FOXN2: variants seen among roughly 807,000 people sequenced by gnomAD.
FOXN2 encodes the protein forkhead box protein N2.
A neutral mutation model predicts 41.2 loss-of-function variants in FOXN2; 19 were observed. The ratio of observed to expected loss-of-function variants is 0.46; its 90% CI spans 0.32 to 0.68. FOXN2 has a LOEUF of 0.68. Ranked by LOEUF, FOXN2 falls within the 30% of genes least tolerant of loss-of-function variation. FOXN2 has a pLI of 0.03. For synonymous variants in FOXN2, 195 were observed against 176.8 expected, an observed-to-expected ratio of 1.10 and a Z score of -0.82; for missense variants, 587 against 509.4, an observed-to-expected ratio of 1.15 and a Z score of -1.47.
At chr2:48,340,050 G>A in intron 2 of FOXN2, among the ~76,000 whole-genome samples, 1 of 152,186 alleles carries the variant, frequency 6.6e-6, no homozygotes, top group South Asian at 2.1e-4. Flanking sequence ...GGAAGGCTAA[G>A]TAATGTTTAA....
intron 1 of FOXN2, among the ~76,000 whole-genome samples, chr2:48,316,573 C>CT (rs35141931): frequency 3.2e-4 from 48 of 151,940 alleles, no homozygotes; most frequent in Non-Finnish European, 6.8e-4. Context: ...CTTTGTAAAG[C>CT]TTTTTTTGAA....
intron 2 of FOXN2, among the ~76,000 whole-genome samples, chr2:48,337,476 G>T (rs776956607): frequency 1.9e-4 from 28 of 149,892 alleles, no homozygotes; most frequent in Non-Finnish European, 3.9e-4. Flanking sequence ...TTTTTGTGGG[G>T]TTTTTTTTTG....
chr2:48,374,894 A>G, intron 6 of FOXN2, 26 bp from the exon 7 acceptor site: 2 of 1,571,870 alleles, frequency 1.3e-6, no homozygotes, highest in Non-Finnish European at 1.7e-6. Context: ...CATTTGACCT[A>G]TTGATGGAAC....
intron 2 of FOXN2, 29 bp from the exon 3 acceptor site, chr2:48,346,172 T>C: frequency 3.9e-6 from 6 of 1,523,648 alleles, no homozygotes; most frequent in Non-Finnish European, 4.4e-6. Context: ...TCTAAAGTAT[T>C]ACATTGATAA....
At chr2:48,366,176 G>T (rs1169981409) in intron 5 of FOXN2, among the ~76,000 whole-genome samples, 1 of 152,108 alleles carries the variant, frequency 6.6e-6, no homozygotes, top group Non-Finnish European at 1.5e-5. Flanking sequence ...GGCCAACATG[G>T]TGAAACCCCA....
intron 5 of FOXN2, among the ~76,000 whole-genome samples, chr2:48,367,814 C>G (rs1672627056): frequency 6.6e-6 from 1 of 152,060 alleles, no homozygotes; most frequent in African/African-American, 2.4e-5. Context: ...AACCAACAGG[C>G]ACAAATTAAC....
intron 1 of FOXN2, 100 bp downstream of exon 1, chr2:48,314,914 A>T (rs1227644724): frequency 6.6e-6 from 1 of 151,786 alleles, no homozygotes; most frequent in Non-Finnish European, 1.5e-5. Context: ...GACCCGCGCC[A>T]GGCGTGGGGC....
chr2:48,361,174 A>AT (rs929759248), intron 4 of FOXN2, among the ~76,000 whole-genome samples: 6 of 152,200 alleles, frequency 3.9e-5, no homozygotes, highest in Admixed American at 2.0e-4. Context: ...TTAAAAGAAG[A>AT]TAAAAACTAT....
chr2:48,320,714 T>C (rs1277208688), intron 1 of FOXN2, among the ~76,000 whole-genome samples: 3 of 152,238 alleles, frequency 2.0e-5, no homozygotes, highest in Admixed American at 6.5e-5. Flanking sequence ...ATCATTAATC[T>C]TTGTACTACA....
intron 1 of FOXN2, among the ~76,000 whole-genome samples, chr2:48,318,799 A>G (rs940359676): frequency 1.3e-5 from 2 of 152,214 alleles, no homozygotes; most frequent in African/African-American, 4.8e-5. Flanking sequence ...ATCACATAGG[A>G]TGTATCTCCT....
intron 3 of FOXN2, among the ~76,000 whole-genome samples, chr2:48,348,594 T>G (rs1325252449): frequency 6.6e-6 from 1 of 152,236 alleles, no homozygotes; most frequent in East Asian, 1.9e-4. Flanking sequence ...ATGTAATATT[T>G]CTACCCAGAA....
intron 2 of FOXN2, among the ~76,000 whole-genome samples, chr2:48,334,661 G>A (rs950801587): frequency 3.3e-5 from 5 of 152,184 alleles, no homozygotes; most frequent in African/African-American, 1.2e-4. Context: ...ATTGCTTTGA[G>A]GATATTTGCC....
chr2:48,317,213 C>T (rs1256928436), intron 1 of FOXN2, among the ~76,000 whole-genome samples: 2 of 152,000 alleles, frequency 1.3e-5, no homozygotes, highest in Non-Finnish European at 2.9e-5. Context: ...CTTTGGGAGG[C>T]TGAGGTGGGA....
In FOXN2 at chr2:48,362,681, A is replaced by G. The variant is rs1672269666; in HGVS notation, c.677A>G (p.Lys226Arg). Residue 226 changes from lysine (K) to arginine (R), a missense_variant, in exon 5 of 7, where the codon AAG (lysine) becomes AGG (arginine). Physicochemically the swap from Lys to Arg is conservative, Grantham distance 26 (BLOSUM62 2). Transcript: ENST00000340553. ...CCTCACTATTTAAGCTCTGTAATCAAGCAGAACCAGGTGCGAAACCTCAAA... is the reference window on the plus strand; with the variant it reads ...CCTCACTATTTAAGCTCTGTAATCAGGCAGAACCAGGTGCGAAACCTCAAA... ...LSPHYLSSVI[K>R]QNQVRNLKES... 2 of 1,613,970 alleles carry G rather than the reference A, an allele frequency of 1.2e-6. No homozygotes were observed. Among genetic ancestry groups the G allele is most frequent in the Non-Finnish European group, 1.7e-6 (2 of 1,179,966 alleles).
chr2:48,321,338 G>A (rs931177639), intron 1 of FOXN2, among the ~76,000 whole-genome samples: 6 of 152,080 alleles, frequency 3.9e-5, no homozygotes, highest in Admixed American at 1.3e-4. Context: ...GATCGAGACC[G>A]TCTGGCTAAC....
At chr2:48,346,968 CTAGAT>C (rs916004414) in intron 3 of FOXN2, among the ~76,000 whole-genome samples, 1 of 152,056 alleles carries the variant, frequency 6.6e-6, no homozygotes, top group Non-Finnish European at 1.5e-5. Context: ...CTATAGGTAC[CTAGAT>C]TAGTCTTTTT....
chr2:48,346,453 CA>C lies in FOXN2; in HGVS notation c.241del (p.Ile81LeufsTer8). 6.2e-7 allele frequency: 1 copy of C among 1,613,992 alleles called. No homozygotes were observed. The highest frequency in any genetic ancestry group is 8.5e-7 in the Non-Finnish European group (1 of 1,179,990). ...TNFSLGSEGL[P>X]IVSPLYDIEG... ...TTCAGCCTCGGAAGTGAGGGTCTTC[CA>C]ATTGTTAGTCCATTGTATGACATAG... On this transcript the variant is annotated frameshift_variant, in exon 3 of 7. Coordinates refer to ENST00000340553, the MANE Select transcript of FOXN2 (RefSeq NM_002158.4). LOFTEE classifies it high-confidence loss of function.
intron 5 of FOXN2, among the ~76,000 whole-genome samples, chr2:48,368,115 T>G (rs1483144257): frequency 6.6e-6 from 1 of 152,186 alleles, no homozygotes; most frequent in East Asian, 1.9e-4. Context: ...GTGCTGGGAT[T>G]ACAGGTGTGA....
At chr2:48,358,719 TTTG>T (rs772040870) in intron 3 of FOXN2, among the ~76,000 whole-genome samples, 12 of 152,106 alleles carry the variant, frequency 7.9e-5, no homozygotes, top group South Asian at 2.1e-4. Flanking sequence ...ACAAGTAAAT[TTTG>T]TTGTTATCTA....
Sources: allele counts gnomAD v4.1 joint callset (sites outside exome capture counted in the v4.1 genomes callset), GRCh38; gene constraint gnomAD v4.1.1; transcripts MANE v1.5; gene names NCBI Gene and HGNC (gene_info 2026-07-23, HGNC 2026-07-21).